The following CFAP65 variants were observed in gnomAD, a reference collection of about 807,000 sequenced individuals.
The protein encoded by CFAP65 is cilia and flagella associated protein 65, also known as cilia- and flagella-associated protein 65.
A neutral mutation model predicts 208.0 loss-of-function variants in CFAP65; 155 were observed. The ratio of observed to expected loss-of-function variants is 0.75; its 90% CI spans 0.65 to 0.85. The LOEUF is 0.85. Among genes scored for constraint, CFAP65 ranks in the 40% least tolerant of loss-of-function variants. CFAP65 has a pLI of 0.00. For missense variants in CFAP65, 2,294 were observed against 2,451.3 expected (o/e 0.94, Z 1.36); for synonymous variants, 970 against 986.3 (o/e 0.98, Z 0.31).
chr2:219,030,360 G>T, intron 9 of CFAP65, 152 bp from the exon 10 acceptor site: 1 of 853,204 alleles, frequency 1.2e-6, no homozygotes, highest in Admixed American at 2.3e-5. Context: ...GCCTCCACCA[G>T]GAGGAGAGAA....
intron 24 of CFAP65, among the ~76,000 whole-genome samples, chr2:219,011,958 G>A (rs570627258): frequency 5.9e-5 from 9 of 152,282 alleles, no homozygotes; most frequent in Non-Finnish European, 1.0e-4. Context: ...CCACAAGGGC[G>A]GAGCCCTCAC....
At chr2:219,015,908 T>C (rs1342498515) in intron 21 of CFAP65, among the ~76,000 whole-genome samples, 1 of 152,230 alleles carries the variant, frequency 6.6e-6, no homozygotes, top group African/African-American at 2.4e-5. Context: ...GGAGATGTTA[T>C]TGATATAATG....
In CFAP65 at chr2:219,023,230, G is replaced by GC. The variant is rs36065109; in HGVS notation, c.2796dup (p.Leu933AlafsTer87). 6.2e-7 allele frequency: 1 copy of GC among 1,612,376 alleles called. No individual in the cohort carries two copies. Among genetic ancestry groups the GC allele is most frequent in the Non-Finnish European group, 8.5e-7 (1 of 1,179,864 alleles). Reference sequence around the variant, plus strand: ...ACAAGTCTCTCGTTGGGCTGGATTAGCCCCCTGGAGGGCTGGACAGCCAGC... The same window carrying GC: ...ACAAGTCTCTCGTTGGGCTGGATTAGCCCCCCTGGAGGGCTGGACAGCCAGC... On this transcript the variant is annotated frameshift_variant, in exon 16 of 35. Coordinates refer to ENST00000341552, the MANE Select transcript of CFAP65 (RefSeq NM_194302.4). LOFTEE classifies it high-confidence loss of function.
Position 219,010,973 on chromosome 2 carries a change from G to A in CFAP65, c.3981C>T (p.Gly1327=). 4 of 1,612,964 alleles carry A rather than the reference G, an allele frequency of 2.5e-6. No individual in the cohort carries two copies. The highest frequency in any genetic ancestry group is 3.4e-6 in the Non-Finnish European group (4 of 1,179,420). ...GGACCTCATATGTCACGGGCACTGAGCCACCATTATACAGCTCATAAATCT... is the reference window on the plus strand; with the variant it reads ...GGACCTCATATGTCACGGGCACTGAACCACCATTATACAGCTCATAAATCT... The part of the protein sequence containing the change: ...PRQIYELYNG[G]SVPVTYEVQT... Residue 1327 remains glycine (G), a synonymous_variant, in exon 25 of 35, where the codon GGC becomes GGT. Coordinates refer to ENST00000341552, the MANE Select transcript of CFAP65 (RefSeq NM_194302.4).
At chr2:219,019,764 C>T (rs1235786906) in intron 19 of CFAP65, 45 bp from the exon 20 acceptor site, 1 of 1,560,728 alleles carries the variant, frequency 6.4e-7, no homozygotes, top group Admixed American at 1.7e-5. Context: ...TGCCTCCCAC[C>T]TTCCCTGGAG....
chr2:219,018,970 C>T (rs1947086975), intron 21 of CFAP65, 81 bp downstream of exon 21: 1 of 1,582,644 alleles, frequency 6.3e-7, no homozygotes, highest in South Asian at 1.1e-5. Context: ...CCACCACGGG[C>T]AAGAGAGTGC....
chr2:219,039,978 C>T (rs1206875297), intron 2 of CFAP65, among the ~76,000 whole-genome samples: 2 of 152,020 alleles, frequency 1.3e-5, no homozygotes, highest in Non-Finnish European at 1.5e-5. Context: ...TGAGAATCCA[C>T]GTGCCAGGCA....
Position 219,031,541 on chromosome 2 carries a change from T to A in CFAP65, c.763A>T (p.Met255Leu), listed in dbSNP as rs1574639058. The change falls in exon 7 of 35, where the codon ATG (methionine) becomes TTG (leucine). Residue 255 changes from methionine to leucine, a missense_variant. Physicochemically the swap from Met to Leu is conservative, Grantham distance 15. Around this residue, in one of 2 missense-constraint regions of CFAP65, gnomAD observed 867 missense variants for 1,012.6 expected, o/e 0.86. Transcript: ENST00000341552. The surrounding 1 kb of genome is among the most constrained non-coding windows in gnomAD (Gnocchi z 5.2). ...TCAGTCGTATCTCCCACAGCACACA[T>A]GGGCAGCTGCAGGGATGGTGGGCGG... ...ICRPPSLQLP[M>L]CAVGDTTEAF... is the part of the protein sequence containing the mutation. The A allele has an allele frequency of 2.5e-6, 4 of 1,614,038 alleles. No individual in the cohort carries two copies. The highest frequency in any genetic ancestry group is 3.4e-6 in the Non-Finnish European group (4 of 1,180,032).
At position 219,013,415 on chromosome 2, in the gene CFAP65, A is replaced by T. The variant is rs568316737; in HGVS notation, c.3847-46T>A. 133 of 1,552,022 alleles carry T rather than the reference A, an allele frequency of 8.6e-5. No individual in the cohort carries two copies. In the South Asian group the frequency reaches 1.1e-3, roughly 13 times the overall value. On this transcript the variant is annotated intron_variant, in intron 23 of 34. Coordinates refer to ENST00000341552, the MANE Select transcript of CFAP65 (RefSeq NM_194302.4). ...GGAGGAACTGACACAGCCAGTGGAG[A>T]TCTGGACCCCAGTTCCCCAGGAGAA...
At chr2:219,017,650 T>C (rs1289782179) in intron 21 of CFAP65, among the ~76,000 whole-genome samples, 1 of 152,270 alleles carries the variant, frequency 6.6e-6, no homozygotes, top group Non-Finnish European at 1.5e-5. Flanking sequence ...CTGCCTGGGT[T>C]TCCCCCGCCT....
In CFAP65 at chr2:219,031,061, G is replaced by A. The variant is rs1947988879; in HGVS notation, c.1015+45C>T. On this transcript the variant is annotated intron_variant, in intron 8 of 34. Transcript: ENST00000341552. The surrounding 1 kb of genome is among the most constrained non-coding windows in gnomAD (Gnocchi z 5.2). ...CACTGAGGCCTGGAGGACCCAGAAG[G>A]TGCAGGAGGGGCCAGTCTGGGGACG... 2 of 1,547,224 alleles carry A rather than the reference G, an allele frequency of 1.3e-6. No homozygotes were observed. The highest frequency in any genetic ancestry group is 1.7e-6 in the Non-Finnish European group (2 of 1,144,136).
chr2:219,028,059 T>C, intron 12 of CFAP65, 50 bp from the exon 13 acceptor site: 1 of 1,522,580 alleles, frequency 6.6e-7, no homozygotes. Flanking sequence ...TTCCTCTTGC[T>C]GTTGCCCCTC....
Position 219,038,476 on chromosome 2 carries a change from C to G in CFAP65, c.256G>C (p.Val86Leu), listed in dbSNP as rs572612099. ...VRSRNSRNHT[V>L]NSGGSCLSAS... Reference sequence around the variant, plus strand: ...CTCAGGCAGGATCCACCAGAGTTCACGGTGTGGTTCCTGCTGTTCCTGGAC... The same window carrying G: ...CTCAGGCAGGATCCACCAGAGTTCAGGGTGTGGTTCCTGCTGTTCCTGGAC... The change falls in exon 4 of 35, where the codon GTG (valine) becomes CTG (leucine). Residue 86 changes from valine (V) to leucine (L), a missense_variant. This residue lies in a region of CFAP65 where 867 missense variants were observed against 1,012.6 expected (regional missense o/e 0.86). Transcript: ENST00000341552. The G allele has an allele frequency of 1.9e-6, 3 of 1,614,128 alleles. No homozygotes were observed. The African/African-American group carries it at 4.0e-5, about 22-fold the overall frequency.
In CFAP65 at chr2:219,003,068, C is replaced by A. The variant is rs199732478; in HGVS notation, c.5694-47G>T. 956 of 1,549,730 alleles carry A rather than the reference C, an allele frequency of 6.2e-4. 3 individuals are homozygous for A. The African/African-American group carries it at 9.7e-3, about 16-fold the overall frequency. On this transcript the variant is annotated intron_variant, in intron 34 of 34. Transcript: ENST00000341552. The surrounding 1 kb of genome is among the most constrained non-coding windows in gnomAD (Gnocchi z 4.4). ...GTAGGCGTGGGGGCGAGGCTTCGGGCAGAGCCTGGCTGCCCCCGTGGCCCC... is the reference window on the plus strand; with the variant it reads ...GTAGGCGTGGGGGCGAGGCTTCGGGAAGAGCCTGGCTGCCCCCGTGGCCCC...
Position 219,031,665 on chromosome 2 carries a change from T to TTC in CFAP65, c.646-8_646-7insGA. 1 of 1,595,994 alleles carries TTC rather than the reference T, an allele frequency of 6.3e-7. No individual in the cohort carries two copies. Among genetic ancestry groups the TTC allele is most frequent in the Non-Finnish European group, 8.5e-7 (1 of 1,170,032 alleles). On this transcript the variant is annotated splice_polypyrimidine_tract_variant and splice_region_variant and intron_variant, in intron 6 of 34. Transcript: ENST00000341552. This position sits in a 1 kb window ranked among gnomAD's most constrained non-coding sequence, Gnocchi z 5.2. Reference sequence around the variant, plus strand: ...GCTGGTCCATGTACTCCTTCTGCAGTGTGAGGCGGGGCAGGGGCAGTCACC... The same window carrying TTC: ...GCTGGTCCATGTACTCCTTCTGCAGTTCGTGAGGCGGGGCAGGGGCAGTCACC...
rs60451051 is a variant in CFAP65 at position 219,030,258 on chromosome 2, T to C, written c.1162-50A>G. 1,120 of 1,565,808 alleles carry C rather than the reference T, an allele frequency of 7.2e-4. 7 individuals carry two copies. In the African/African-American group the frequency reaches 0.012, roughly 17 times the overall value. The stretch of plus-strand genomic sequence containing the variant: ...AGGGTCAGGTCACAGAGCAGAGCAC[T>C]GTATGATGGGACAGTCTACGCATTG... On this transcript the variant is annotated intron_variant, in intron 9 of 34. Transcript: ENST00000341552.
chr2:219,021,235 T>A lies in CFAP65; in HGVS notation c.3176A>T (p.Gln1059Leu), dbSNP rs1559137646. 1 of 1,608,162 alleles carries A rather than the reference T, an allele frequency of 6.2e-7. No individual in the cohort carries two copies. Among genetic ancestry groups the A allele is most frequent in the South Asian group, 1.1e-5 (1 of 89,668 alleles). Residue 1059 changes from glutamine (Q) to leucine (L), a missense_variant, in exon 19 of 35, where the codon CAG becomes CTG. Physicochemically the swap from Gln to Leu is moderately radical, Grantham distance 113. Coordinates refer to ENST00000341552, the MANE Select transcript of CFAP65 (RefSeq NM_194302.4). Reference protein sequence around the residue: ...RTEGSMPPRSQDTICLTACPK... With the variant: ...RTEGSMPPRSLDTICLTACPK... The stretch of plus-strand genomic sequence containing the variant: ...ACAGGCAGTCAGGCAGATGGTGTCC[T>A]GGGACCGGGGTGGCATGCTCCCCTC...
Position 219,024,114 on chromosome 2 carries a change from C to T in CFAP65, c.2496G>A (p.Gly832=), listed in dbSNP as rs766870828. Residue 832 remains glycine (G), a synonymous_variant, in exon 15 of 35, where the codon GGG becomes GGA. Coordinates refer to ENST00000341552, the MANE Select transcript of CFAP65 (RefSeq NM_194302.4). ...LRPTSGLVAP[G]AHQIILICTY... Reference sequence around the variant, plus strand: ...TGCAGATGAGGATGATCTGGTGGGCCCCGGGTGCCACAAGGCCCGAAGTGG... The same window carrying T: ...TGCAGATGAGGATGATCTGGTGGGCTCCGGGTGCCACAAGGCCCGAAGTGG... 1.2e-6 allele frequency: 2 copies of T among 1,614,012 alleles called. No individual in the cohort carries two copies. The highest frequency in any genetic ancestry group is 1.3e-5 in the African/African-American group (1 of 75,054).
chr2:219,004,353 GA>G lies in CFAP65; in HGVS notation c.5153del (p.Phe1718SerfsTer10), dbSNP rs749823774. On this transcript the variant is annotated frameshift_variant, in exon 33 of 35. Transcript: ENST00000341552. LOFTEE classifies it high-confidence loss of function. The surrounding 1 kb of genome is among the most constrained non-coding windows in gnomAD (Gnocchi z 4.7). ...AGTACAGGCTGTTTTTCTGGTCCAT[GA>G]ACTTAGTTGACTGCTCATTCCAGAA... Reference protein sequence around the residue: ...RQFWNEQSTKFMDQKNSLYLM... With the variant: ...RQFWNEQSTKXMDQKNSLYLM... 9.9e-6 allele frequency: 16 copies of G among 1,614,090 alleles called. No homozygotes were observed. The South Asian group carries it at 1.6e-4, about 17-fold the overall frequency.
Sources: gnomAD v4.1 joint callset for allele counts (sites outside exome capture counted in the v4.1 genomes callset) on GRCh38, gnomAD v4.1.1 for gene constraint, gnomAD v4.1.1 regional missense constraint, Gnocchi (gnomAD v3.1) non-coding constraint, MANE v1.5 for transcripts, NCBI Gene and HGNC (gene_info 2026-07-23, HGNC 2026-07-21) for gene names.